Variants in CSTPP1 observed in about 807,000 individuals in gnomAD.
CSTPP1 encodes the protein UPF0705 protein C11orf49.
At chr11:47,051,606 G>A in the CSTPP1 span, among the ~76,000 whole-genome samples, 1 of 152,138 alleles carries the variant, frequency 6.6e-6, no homozygotes, top group East Asian at 1.9e-4. Flanking sequence ...AACTGGAACA[G>A]CCACTCCAGT....
chr11:46,969,989 A>G, the CSTPP1 span, among the ~76,000 whole-genome samples: 1 of 152,156 alleles, frequency 6.6e-6, no homozygotes, highest in Admixed American at 6.6e-5. Context: ...ATGCACAAAC[A>G]TAATGTTGAG....
chr11:47,000,022 C>A, the CSTPP1 span, among the ~76,000 whole-genome samples: 1 of 152,168 alleles, frequency 6.6e-6, no homozygotes, highest in Non-Finnish European at 1.5e-5. Flanking sequence ...CCTCTGGACA[C>A]TCTTGAAAGA....
chr11:46,950,811 C>G, the CSTPP1 span, among the ~76,000 whole-genome samples: 18 of 151,858 alleles, frequency 1.2e-4, no homozygotes, highest in African/African-American at 4.1e-4. Context: ...AGGGTTTCAC[C>G]ATATTGGCCA....
At chr11:47,066,177 A>G in the CSTPP1 span, among the ~76,000 whole-genome samples, 2 of 150,420 alleles carry the variant, frequency 1.3e-5, no homozygotes, top group Non-Finnish European at 2.9e-5. Context: ...GATGAATAGA[A>G]GTAGTGAAAG....
the CSTPP1 span, among the ~76,000 whole-genome samples, chr11:47,123,556 A>T: frequency 6.6e-6 from 1 of 152,230 alleles, no homozygotes; most frequent in African/African-American, 2.4e-5. Context: ...TTAGGAACCA[A>T]CAATGAATAA....
the CSTPP1 span, among the ~76,000 whole-genome samples, chr11:47,101,189 T>TTTTTTTTTTTTTTTTG: frequency 2.3e-5 from 2 of 87,696 alleles, 1 homozygote; most frequent in Non-Finnish European, 4.3e-5. Context: ...TTTTTTTTTT[T>TTTTTTTTTTTTTTTTG]ATTTTATTTT....
the CSTPP1 span, among the ~76,000 whole-genome samples, chr11:47,038,253 G>A: frequency 1.8e-5 from 2 of 111,402 alleles, no homozygotes; most frequent in Admixed American, 9.2e-5. Flanking sequence ...CTCACTTCCC[G>A]GATGGGGCGG....
At chr11:46,956,910 A>G in the CSTPP1 span, among the ~76,000 whole-genome samples, 3 of 151,522 alleles carry the variant, frequency 2.0e-5, no homozygotes, top group Admixed American at 2.0e-4. Flanking sequence ...ACGTATACAT[A>G]GTATATATGT....
chr11:46,977,763 CAAGT>C, the CSTPP1 span, among the ~76,000 whole-genome samples: 1 of 152,182 alleles, frequency 6.6e-6, no homozygotes, highest in South Asian at 2.1e-4. Context: ...GTTGAAATGA[CAAGT>C]AGCCCCCAAA....
At chr11:47,150,821 G>A in the CSTPP1 span, among the ~76,000 whole-genome samples, 5 of 151,698 alleles carry the variant, frequency 3.3e-5, no homozygotes, top group East Asian at 1.9e-4. Context: ...CAGATGGAGC[G>A]GGCTCACAGG....
chr11:47,006,594 T>A, the CSTPP1 span, among the ~76,000 whole-genome samples: 1 of 151,794 alleles, frequency 6.6e-6, no homozygotes, highest in African/African-American at 2.4e-5. Flanking sequence ...CTGTCTCTTT[T>A]TTTTTTTTGA....
chr11:47,001,136 A>G, the CSTPP1 span, among the ~76,000 whole-genome samples: 1 of 152,316 alleles, frequency 6.6e-6, no homozygotes, highest in African/African-American at 2.4e-5. Flanking sequence ...CACCTTGATT[A>G]TCTAAGTAAG....
the CSTPP1 span, among the ~76,000 whole-genome samples, chr11:47,131,409 G>A: frequency 3.9e-5 from 6 of 152,230 alleles, no homozygotes; most frequent in Non-Finnish European, 8.8e-5. Context: ...CAGCAAGAAG[G>A]CAGACCAGAT....
At chr11:46,936,921 C>A in the CSTPP1 span, 4 of 187,472 alleles carry the variant, frequency 2.1e-5, no homozygotes, top group African/African-American at 1.0e-4. Context: ...TGGGAGGAGG[C>A]GGGGGCGGGG....
chr11:47,132,878 CCTAG>C, the CSTPP1 span, among the ~76,000 whole-genome samples: 350 of 152,314 alleles, frequency 2.3e-3, 1 homozygote, highest in African/African-American at 8.1e-3. Flanking sequence ...CAGCCCTCTT[CCTAG>C]CTGTTTCCTT....
chr11:47,054,492 T>C, the CSTPP1 span, among the ~76,000 whole-genome samples: 1 of 152,052 alleles, frequency 6.6e-6, no homozygotes, highest in Non-Finnish European at 1.5e-5. Flanking sequence ...TTAAATTTTT[T>C]TGTAGAGACG....
chr11:46,950,181 T>C, the CSTPP1 span, among the ~76,000 whole-genome samples: 6 of 151,000 alleles, frequency 4.0e-5, no homozygotes, highest in Non-Finnish European at 7.4e-5. Context: ...CTTTTCTTTT[T>C]TTTTTTTTTT....
the CSTPP1 span, among the ~76,000 whole-genome samples, chr11:46,984,415 ATTG>A: frequency 2.6e-5 from 4 of 152,240 alleles, no homozygotes; most frequent in African/African-American, 9.6e-5. Flanking sequence ...TATCTGTCAC[ATTG>A]TTGTTTAATA....
the CSTPP1 span, chr11:47,156,932 C>A: frequency 1.5e-6 from 2 of 1,369,266 alleles, no homozygotes; most frequent in Non-Finnish European, 2.0e-6. Flanking sequence ...TGGAACTGGG[C>A]TGACAGAGAA....
Sources: allele counts gnomAD v4.1 joint callset (sites outside exome capture counted in the v4.1 genomes callset), GRCh38; gene constraint gnomAD v4.1.1; transcripts MANE v1.5; gene names NCBI Gene and HGNC (gene_info 2026-07-23, HGNC 2026-07-21).